The following DPYD variants were observed in gnomAD, a reference collection of about 807,000 sequenced individuals.
DPYD encodes the protein dihydropyrimidine dehydrogenase, also known as dihydropyrimidine dehydrogenase [NADP(+)].
DPYD carries 109 observed loss-of-function variants against 116.2 expected under a neutral mutation model. That is an observed-to-expected ratio of 0.94 (90% CI 0.80 to 1.10). DPYD has a LOEUF of 1.10. DPYD is among the 50% of genes least tolerant of loss of function. The probability of loss-of-function intolerance (pLI) is 0.00; values close to 1 mark genes in which losing one functional copy is unlikely to be tolerated. For synonymous variants in DPYD, 440 were observed against 432.0 expected, an observed-to-expected ratio of 1.02 and a Z score of -0.23; for missense variants, 1,302 against 1,254.5, an observed-to-expected ratio of 1.04 and a Z score of -0.57.
chr1:97,829,341 A>C (rs1277369156), intron 2 of DPYD, among the ~76,000 whole-genome samples: 2 of 152,110 alleles, frequency 1.3e-5, no homozygotes, highest in Non-Finnish European at 2.9e-5. Flanking sequence ...ACTAAGTCAA[A>C]TTAAGGCAAA....
At chr1:97,416,369 C>A (rs891359792) in intron 14 of DPYD, among the ~76,000 whole-genome samples, 11 of 152,128 alleles carry the variant, frequency 7.2e-5, no homozygotes, top group African/African-American at 2.4e-4. Context: ...GGAAATGTAT[C>A]CAGTGACTGT....
At chr1:97,551,283 T>C (rs778853985) in intron 11 of DPYD, among the ~76,000 whole-genome samples, 12 of 152,164 alleles carry the variant, frequency 7.9e-5, no homozygotes, top group Non-Finnish European at 1.6e-4. Flanking sequence ...AAAGGTCACA[T>C]GAAAAGAGAT....
At chr1:97,714,942 C>G (rs780600404) in intron 5 of DPYD, among the ~76,000 whole-genome samples, 1 of 152,124 alleles carries the variant, frequency 6.6e-6, no homozygotes, top group Non-Finnish European at 1.5e-5. Flanking sequence ...AGATTTGCCT[C>G]TCACTACATG....
At position 97,315,853 on chromosome 1, in the gene DPYD, C is replaced by T. The variant is rs75007747; in HGVS notation, c.2059-9556G>A. Among the ~76,000 whole-genome samples the T allele has an allele frequency of 8.0e-3, 1,218 of 151,960 alleles. 7 individuals carry two copies. The highest frequency in any genetic ancestry group is 0.012 in the Non-Finnish European group (801 of 67,912). On this transcript the variant is annotated intron_variant, in intron 16 of 22. Coordinates refer to ENST00000370192, the MANE Select transcript of DPYD (RefSeq NM_000110.4). Reference sequence around the variant, plus strand: ...CTCAGGGGAAAGAAAAGGTCCAATACCAGGAAGCAGGGCTAATTTTTTTCC... The same window carrying T: ...CTCAGGGGAAAGAAAAGGTCCAATATCAGGAAGCAGGGCTAATTTTTTTCC...
At chr1:97,686,326 A>T (rs542656159) in intron 7 of DPYD, among the ~76,000 whole-genome samples, 8 of 152,166 alleles carry the variant, frequency 5.3e-5, no homozygotes, top group African/African-American at 1.7e-4. Context: ...ACAAAAATTA[A>T]CTCAAGATGG....
At chr1:97,346,680 C>G (rs561234056) in intron 16 of DPYD, among the ~76,000 whole-genome samples, 1 of 151,678 alleles carries the variant, frequency 6.6e-6, no homozygotes, top group Non-Finnish European at 1.5e-5. Context: ...GATTGTCTTA[C>G]TAGTATTTAG....
chr1:97,864,232 A>G (rs1057366867), intron 2 of DPYD, among the ~76,000 whole-genome samples: 6 of 152,058 alleles, frequency 3.9e-5, no homozygotes, highest in African/African-American at 1.4e-4. Context: ...CTCAACAGAG[A>G]TTGATTAATT....
At chr1:97,362,861 C>T (rs145868982) in intron 16 of DPYD, among the ~76,000 whole-genome samples, 6,998 of 152,176 alleles carry the variant, frequency 0.046, 214 homozygotes, top group Middle Eastern at 0.1. Context: ...TAGAAGAAAA[C>T]CTAGGCAATA....
At chr1:97,661,654 T>C (rs1469982541) in intron 8 of DPYD, among the ~76,000 whole-genome samples, 2 of 152,150 alleles carry the variant, frequency 1.3e-5, no homozygotes, top group Non-Finnish European at 2.9e-5. Context: ...ACAATAAATA[T>C]TGAAATTTCT....
intron 18 of DPYD, among the ~76,000 whole-genome samples, chr1:97,263,757 G>A (rs1217382098): frequency 6.6e-6 from 1 of 151,884 alleles, no homozygotes; most frequent in Non-Finnish European, 1.5e-5. Flanking sequence ...TCAATTAATT[G>A]GACATCTACA....
intron 9 of DPYD, 84 bp from the exon 10 acceptor site, chr1:97,593,471 G>A: frequency 6.6e-7 from 1 of 1,513,932 alleles, no homozygotes; most frequent in East Asian, 2.3e-5. Context: ...ACTCAAAGCA[G>A]TGTAAAATTG....
At chr1:97,768,936 C>A (rs994960338) in intron 3 of DPYD, among the ~76,000 whole-genome samples, 2 of 150,746 alleles carry the variant, frequency 1.3e-5, no homozygotes, top group Admixed American at 1.3e-4. Context: ...ATATTAACCA[C>A]GATATAATCA....
chr1:97,415,958 T>C (rs1056285456), intron 14 of DPYD, among the ~76,000 whole-genome samples: 2 of 152,206 alleles, frequency 1.3e-5, no homozygotes, highest in African/African-American at 4.8e-5. Flanking sequence ...TCGTATATAA[T>C]GTCTTATACA....
At chr1:97,353,477 C>T (rs987235800) in intron 16 of DPYD, among the ~76,000 whole-genome samples, 5 of 152,128 alleles carry the variant, frequency 3.3e-5, no homozygotes, top group African/African-American at 1.2e-4. Flanking sequence ...AAATAATAAA[C>T]TTCTGTCCAG....
intron 20 of DPYD, among the ~76,000 whole-genome samples, chr1:97,173,394 ATG>A (rs1369189128): frequency 1.4e-4 from 21 of 150,110 alleles, no homozygotes; most frequent in African/African-American, 4.4e-4. Context: ...ACGTACATAT[ATG>A]TGTGTATATA....
At chr1:97,343,633 G>A (rs1003876420) in intron 16 of DPYD, among the ~76,000 whole-genome samples, 3 of 152,016 alleles carry the variant, frequency 2.0e-5, no homozygotes, top group Non-Finnish European at 2.9e-5. Context: ...CAACTCTTTA[G>A]TTCATGCAGA....
At chr1:97,690,586 C>A (rs956428738) in intron 7 of DPYD, among the ~76,000 whole-genome samples, 1 of 151,832 alleles carries the variant, frequency 6.6e-6, no homozygotes, top group Non-Finnish European at 1.5e-5. Context: ...TTCAGAATAC[C>A]GAATCTAATA....
chr1:97,293,647 A>G (rs1370519332), intron 18 of DPYD, among the ~76,000 whole-genome samples: 2 of 152,216 alleles, frequency 1.3e-5, no homozygotes, highest in African/African-American at 4.8e-5. Flanking sequence ...GGCAAAGATT[A>G]AAAGTCAGTC....
At chr1:97,333,109 G>A (rs927222297) in intron 16 of DPYD, among the ~76,000 whole-genome samples, 2 of 149,892 alleles carry the variant, frequency 1.3e-5, no homozygotes, top group East Asian at 3.9e-4. Context: ...CCAGGCTGGA[G>A]TGCAGTGCCA....
Sources: allele counts gnomAD v4.1 joint callset (sites outside exome capture counted in the v4.1 genomes callset), GRCh38; gene constraint gnomAD v4.1.1; transcripts MANE v1.5; gene names NCBI Gene and HGNC (gene_info 2026-07-23, HGNC 2026-07-21).